CCDC33: variants seen among roughly 807,000 people sequenced by gnomAD.
The protein encoded by CCDC33 is coiled-coil domain-containing protein 33.
In CCDC33, 94 loss-of-function variants were observed where a neutral mutation model predicts 91.9. The observed-to-expected ratio is 1.02, with a 90% CI of 0.87 to 1.21. The LOEUF (loss-of-function observed/expected upper bound fraction) is 1.21, where lower values mean the gene tolerates loss of function less well. Among genes scored for constraint, CCDC33 ranks in the 50% most tolerant of loss-of-function variants. The pLI, the probability that CCDC33 is intolerant of heterozygous loss-of-function variation, is 0.00. For missense variants in CCDC33, 940 were observed against 935.5 expected (o/e 1.00, Z -0.06); for synonymous variants, 396 against 374.5 (o/e 1.06, Z -0.66).
intron 11 of CCDC33, among the ~76,000 whole-genome samples, chr15:74,312,884 T>C (rs950527894): frequency 8.5e-5 from 13 of 152,138 alleles, no homozygotes; most frequent in African/African-American, 3.1e-4. Flanking sequence ...GCCTGGACCC[T>C]AGCAAAACCT....
chr15:74,335,632 G>A, intron 18 of CCDC33: 1 of 387,714 alleles, frequency 2.6e-6, no homozygotes, highest in East Asian at 4.7e-5. Context: ...TCTTGAGCCA[G>A]CTGTGCTTTG....
At chr15:74,215,564 G>A (rs2074419213), upstream of CCDC33, among the ~76,000 whole-genome samples, 1 of 152,172 alleles carries the variant, frequency 6.6e-6, no homozygotes, top group Middle Eastern at 3.4e-3. Context: ...AAAAGTAACT[G>A]TACACACACA....
intron 11 of CCDC33, among the ~76,000 whole-genome samples, chr15:74,307,588 A>T (rs1331872875): frequency 6.6e-6 from 1 of 152,214 alleles, no homozygotes; most frequent in African/African-American, 2.4e-5. Context: ...TTAACTCACC[A>T]TCTTCCCAGC....
At chr15:74,268,608 CA>C (rs931738444) in intron 5 of CCDC33, 150 bp downstream of exon 5, 6 of 591,324 alleles carry the variant, frequency 1.0e-5, no homozygotes, top group African/African-American at 9.2e-5. Context: ...CAGGCCTTTC[CA>C]AAATAGCAAA....
At chr15:74,287,776 A>G (rs931043042) in intron 10 of CCDC33, among the ~76,000 whole-genome samples, 4 of 146,920 alleles carry the variant, frequency 2.7e-5, no homozygotes, top group Non-Finnish European at 6.1e-5. Flanking sequence ...GCGACAGAGC[A>G]AGACTGTCTC....
intron 10 of CCDC33, among the ~76,000 whole-genome samples, chr15:74,290,810 G>A (rs914366037): frequency 5.9e-5 from 9 of 152,154 alleles, no homozygotes; most frequent in African/African-American, 2.2e-4. Flanking sequence ...AACTAAGAAA[G>A]GTCTTGGAGC....
intron 1 of CCDC33, chr15:74,209,070 C>G (rs2074327177): frequency 8.1e-7 from 1 of 1,237,218 alleles, no homozygotes; most frequent in South Asian, 2.4e-5. Context: ...TCCAGTCTGG[C>G]TCTGCCCCTC....
Position 74,295,780 on chromosome 15 carries a change from C to G in CCDC33, c.1122C>G (p.Asn374Lys), listed in dbSNP as rs1291200249. The change falls in exon 11 of 19, where the codon AAC becomes AAG. Residue 374 changes from asparagine to lysine, a missense_variant. Physicochemically the swap from Asn to Lys is moderately conservative, Grantham distance 94. Coordinates refer to ENST00000398814, the MANE Select transcript of CCDC33 (RefSeq NM_025055.5). Reference protein sequence around the residue: ...SERPENFLTPNNSKALPTLDP... With the variant: ...SERPENFLTPKNSKALPTLDP... ...GACCAGAAAACTTCTTGACACCAAA[C>G]AACAGCAAGGCTCTTCCTACCTTGG... is the stretch of plus-strand genomic sequence containing the variant. 6 of 1,613,404 alleles carry G rather than the reference C, an allele frequency of 3.7e-6. No individual in the cohort carries two copies. The highest frequency in any genetic ancestry group is 5.1e-6 in the Non-Finnish European group (6 of 1,179,752).
intron 11 of CCDC33, 149 bp downstream of exon 11, chr15:74,296,097 A>G: frequency 1.6e-6 from 1 of 631,794 alleles, no homozygotes; most frequent in East Asian, 2.9e-5. Context: ...AGTTACCCCA[A>G]AGTCAAACTG....
intron 2 of CCDC33, among the ~76,000 whole-genome samples, chr15:74,223,781 CA>C (rs1373180968): frequency 6.6e-6 from 1 of 151,376 alleles, no homozygotes; most frequent in East Asian, 1.9e-4. Context: ...CATGCACACA[CA>C]CACACACACA....
At position 74,262,295 on chromosome 15, in the gene CCDC33, G is replaced by T. The variant is rs1408320859; in HGVS notation, c.186-145G>T. 4 of 1,061,154 alleles carry T rather than the reference G, an allele frequency of 3.8e-6. No homozygotes were observed. The East Asian group carries it at 9.8e-5, about 26-fold the overall frequency. 65.7% of individuals were successfully genotyped at this position (1,061,154 alleles called of 1,614,324 possible). A position where few individuals can be genotyped will look rare whatever the true frequency, so the allele number is the denominator to read the frequency against. On this transcript the variant is annotated intron_variant, in intron 2 of 18. Coordinates refer to ENST00000398814, the MANE Select transcript of CCDC33 (RefSeq NM_025055.5). ...CAGGAGAGCTGGGGGAGAGGCCTGG[G>T]ATGACACAAGTGTCTATGCATGGGA...
intron 11 of CCDC33, among the ~76,000 whole-genome samples, 165 bp downstream of exon 11, chr15:74,296,113 C>T (rs1001715521): frequency 6.6e-5 from 10 of 152,242 alleles, no homozygotes; most frequent in Non-Finnish European, 1.5e-4. Flanking sequence ...AACTGCTGGG[C>T]GCTGTGGCTT....
At chr15:74,255,348 G>A (rs2075829613) in intron 2 of CCDC33, among the ~76,000 whole-genome samples, 1 of 152,252 alleles carries the variant, frequency 6.6e-6, no homozygotes, top group African/African-American at 2.4e-5. Flanking sequence ...CACGACTGGT[G>A]AGCCTGAACA....
At chr15:74,271,516 G>A (rs1156400840) in intron 5 of CCDC33, among the ~76,000 whole-genome samples, 187 bp from the exon 6 acceptor site, 1 of 152,198 alleles carries the variant, frequency 6.6e-6, no homozygotes, top group Non-Finnish European at 1.5e-5. Context: ...AAGGCTTCCT[G>A]AGGGAGGGCA....
At chr15:74,250,672 G>A (rs947773830) in intron 2 of CCDC33, among the ~76,000 whole-genome samples, 9 of 152,170 alleles carry the variant, frequency 5.9e-5, no homozygotes, top group East Asian at 1.9e-4. Context: ...CACTAGTTCC[G>A]TGGACAACCA....
intron 2 of CCDC33, among the ~76,000 whole-genome samples, chr15:74,220,939 T>A (rs1296050198): frequency 5.9e-5 from 9 of 152,152 alleles, no homozygotes; most frequent in African/African-American, 2.2e-4. Flanking sequence ...TGCTGCTACT[T>A]GGAGGCTCAA....
rs916419187 is a variant in CCDC33, at chr15:74,316,778, G to A, written c.1291-13411G>A. ...CAGAGGAGGGAGTAATATTTCTGGA[G>A]CCACTCTTATATGCCAGACGCTGCT... is the stretch of plus-strand genomic sequence containing the variant. On this transcript the variant is annotated intron_variant, in intron 11 of 18. Transcript: ENST00000398814. The surrounding 1 kb of genome is among the most constrained non-coding windows in gnomAD (Gnocchi z 4.7). Among the ~76,000 whole-genome samples, 6 of 152,162 alleles carry A rather than the reference G, an allele frequency of 3.9e-5. No individual in the cohort carries two copies. The highest frequency in any genetic ancestry group is 8.8e-5 in the Non-Finnish European group (6 of 68,026).
intron 11 of CCDC33, among the ~76,000 whole-genome samples, 173 bp downstream of exon 11, chr15:74,296,121 C>T (rs2059681508): frequency 6.6e-6 from 1 of 152,232 alleles, no homozygotes; most frequent in Non-Finnish European, 1.5e-5. Context: ...GGCGCTGTGG[C>T]TTCTTCGTTT....
intron 2 of CCDC33, among the ~76,000 whole-genome samples, chr15:74,227,994 G>T (rs1384266084): frequency 3.3e-5 from 5 of 152,058 alleles, no homozygotes. Flanking sequence ...GGGGTGGGGG[G>T]ATGGGCCACC....
Sources: allele counts gnomAD v4.1 joint callset (sites outside exome capture counted in the v4.1 genomes callset), GRCh38; gene constraint gnomAD v4.1.1; non-coding constraint Gnocchi (gnomAD v3.1); transcripts MANE v1.5; gene names NCBI Gene and HGNC (gene_info 2026-07-23, HGNC 2026-07-21).